Variants in CFAP100 observed in about 807,000 individuals in gnomAD.
CFAP100 encodes the protein cilia- and flagella-associated protein 100.
A neutral mutation model predicts 81.5 loss-of-function variants in CFAP100; 70 were observed. The ratio of observed to expected loss-of-function variants is 0.86; its 90% CI spans 0.71 to 1.05. The LOEUF (loss-of-function observed/expected upper bound fraction) is 1.05, where lower values mean the gene tolerates loss of function less well. CFAP100 is among the 50% of genes least tolerant of loss of function. The pLI is 0.00. For missense variants in CFAP100, 811 were observed against 776.5 expected (o/e 1.04, Z -0.53); for synonymous variants, 341 against 314.8 (o/e 1.08, Z -0.88).
chr3:126,407,038 C>A, intron 2 of CFAP100, 134 bp from the exon 3 acceptor site: 1 of 564,118 alleles, frequency 1.8e-6, no homozygotes, highest in Non-Finnish European at 3.3e-6. Flanking sequence ...GGATGTAGAG[C>A]CCTCAGTCTC....
At chr3:126,414,296 G>T in intron 4 of CFAP100, 117 bp downstream of exon 4, 2 of 802,324 alleles carry the variant, frequency 2.5e-6, no homozygotes. Context: ...TCTCATTCCA[G>T]AATAGTCAAT....
intron 11 of CFAP100, among the ~76,000 whole-genome samples, chr3:126,421,785 C>A (rs528721534): frequency 6.6e-6 from 1 of 152,366 alleles, no homozygotes; most frequent in African/African-American, 2.4e-5. Flanking sequence ...CCCAGTGTGG[C>A]CACGCCTTGT....
intron 13 of CFAP100, among the ~76,000 whole-genome samples, chr3:126,426,074 A>C (rs2083399033): frequency 6.6e-6 from 1 of 152,266 alleles, no homozygotes; most frequent in African/African-American, 2.4e-5. Context: ...TAATAAGACA[A>C]GAAAAATAAA....
At position 126,420,153 on chromosome 3, in the gene CFAP100, G is replaced by A. The variant is rs779585872; in HGVS notation, c.1006G>A (p.Gly336Arg). 6 of 1,612,976 alleles carry A rather than the reference G, an allele frequency of 3.7e-6. No homozygotes were observed. The highest frequency in any genetic ancestry group is 1.1e-5 in the South Asian group (1 of 91,072). ...GAGGTTTCTGCAGACGATGCGGCTG[G>A]GGCGGAGCCCGTCTTACCTGAGCAG... is the stretch of plus-strand genomic sequence containing the variant. The part of the protein sequence containing the change: ...PWRFLQTMRL[G>R]RSPSYLSSPQ... The change falls in exon 11 of 17, where the codon GGG becomes AGG. Residue 336 changes from glycine to arginine, a missense_variant. By Grantham distance (125) the Gly-to-Arg change is moderately radical. Coordinates refer to ENST00000352312, the MANE Select transcript of CFAP100 (RefSeq NM_182628.3).
chr3:126,432,583 G>A (rs570054549), intron 13 of CFAP100, among the ~76,000 whole-genome samples: 10 of 152,278 alleles, frequency 6.6e-5, no homozygotes, highest in East Asian at 5.8e-4. Context: ...TGAAAGCAGC[G>A]AGTCACAAAA....
At chr3:126,401,397 TTA>T (rs58055481) in intron 2 of CFAP100, among the ~76,000 whole-genome samples, 2,225 of 75,244 alleles carry the variant, frequency 0.03, 21 homozygotes, top group African/African-American at 0.039. Flanking sequence ...AAATCGTATT[TTA>T]TATATATATA....
rs202028337 is a variant in CFAP100, at chr3:126,423,383, G to A, written c.1134+7G>A. The A allele has an allele frequency of 1.9e-6, 3 of 1,613,230 alleles. No individual in the cohort carries two copies. In the South Asian group the frequency reaches 3.3e-5, roughly 18 times the overall value. On this transcript the variant is annotated splice_region_variant and intron_variant, in intron 12 of 16. Transcript: ENST00000352312. ...CACCGACAGCGATGGGGAGGTGAAT[G>A]GCCCAGTGCTGGGCTGGAATTCGGA...
In CFAP100 at chr3:126,401,397, T is replaced by TTTTATATATATA. The variant is rs869308239; in HGVS notation, c.49+5349_49+5350insTTATATATATAT. Among the ~76,000 whole-genome samples the TTTTATATATATA allele has an allele frequency of 6.8e-4, 52 of 76,184 alleles. 1 individual carries two copies. The highest frequency in any genetic ancestry group is 1.1e-3 in the Non-Finnish European group (40 of 37,126). The allele number at this position is 76,184 out of a possible 152,430, so 50.0% of individuals were successfully genotyped here. A position where few individuals can be genotyped will look rare whatever the true frequency, so the allele number is the denominator to read the frequency against. ...ATGGCATAAAATGGCAAATCGTATT[T>TTTTATATATATA]TATATATATATATATATATATATAT... On this transcript the variant is annotated intron_variant, in intron 2 of 16. Coordinates refer to ENST00000352312, the MANE Select transcript of CFAP100 (RefSeq NM_182628.3).
chr3:126,418,967 CGGAGCCGGGCCCAGCCCTGGGGCCTGTG>C (rs1210286916), intron 7 of CFAP100, 81 bp from the exon 8 acceptor site: 1 of 981,942 alleles, frequency 1.0e-6, no homozygotes, highest in Non-Finnish European at 1.5e-6. Flanking sequence ...CAGCCCTGTC[CGGAGCCGGGCCCAGCCCTGGGGCCTGTG>C]GGTGGTGTGC....
chr3:126,423,736 C>T (rs2083370518), intron 13 of CFAP100, 92 bp downstream of exon 13: 3 of 1,488,546 alleles, frequency 2.0e-6, no homozygotes, highest in Non-Finnish European at 9.3e-7. Context: ...AAACAGCCCA[C>T]ACCCGTCCGT....
chr3:126,410,090 A>G (rs1199574035), intron 3 of CFAP100, among the ~76,000 whole-genome samples: 1 of 152,122 alleles, frequency 6.6e-6, no homozygotes, highest in Non-Finnish European at 1.5e-5. Flanking sequence ...AGTCCCAGCT[A>G]CTCGGGAGGC....
chr3:126,402,347 G>A (rs1200811750), intron 2 of CFAP100, among the ~76,000 whole-genome samples: 1 of 152,232 alleles, frequency 6.6e-6, no homozygotes, highest in African/African-American at 2.4e-5. Context: ...GGACAGAAGG[G>A]GGTGCACCAC....
intron 3 of CFAP100, among the ~76,000 whole-genome samples, chr3:126,411,974 A>G (rs2083164566): frequency 6.6e-6 from 1 of 151,742 alleles, no homozygotes; most frequent in Non-Finnish European, 1.5e-5. Context: ...TTGTTTCCCT[A>G]GTTCCTTGAG....
At chr3:126,435,674 G>A (rs1396651480) in intron 16 of CFAP100, 22 bp downstream of exon 16, 2 of 1,595,278 alleles carry the variant, frequency 1.3e-6, no homozygotes, top group Non-Finnish European at 1.7e-6. Context: ...CGCCTTGGGG[G>A]GTCTCTGCTG....
At chr3:126,424,762 G>A (rs922418423) in intron 13 of CFAP100, among the ~76,000 whole-genome samples, 3 of 152,260 alleles carry the variant, frequency 2.0e-5, no homozygotes, top group Non-Finnish European at 4.4e-5. Context: ...GGAAAATAAA[G>A]CAATTTGAGA....
At chr3:126,403,982 A>G (rs530781514) in intron 2 of CFAP100, among the ~76,000 whole-genome samples, 3 of 152,384 alleles carry the variant, frequency 2.0e-5, no homozygotes, top group African/African-American at 7.2e-5. Context: ...AATTATTTTC[A>G]GCAGCTCTGA....
At chr3:126,421,989 C>T (rs996817391) in intron 11 of CFAP100, among the ~76,000 whole-genome samples, 1 of 152,232 alleles carries the variant, frequency 6.6e-6, no homozygotes, top group Admixed American at 6.5e-5. Flanking sequence ...CCAGACAGGC[C>T]CTCACTTGGG....
chr3:126,410,536 C>T (rs552951397), intron 3 of CFAP100, among the ~76,000 whole-genome samples: 2 of 151,988 alleles, frequency 1.3e-5, no homozygotes, highest in East Asian at 3.9e-4. Context: ...GGGTCTCACT[C>T]TGTCACTCAG....
rs964598328 is a variant in CFAP100 at position 126,419,669 on chromosome 3, A to C, written c.764A>C (p.His255Pro). The C allele has an allele frequency of 4.3e-6, 7 of 1,613,910 alleles. No individual in the cohort carries two copies. The highest frequency in any genetic ancestry group is 3.3e-5 in the Admixed American group (2 of 60,006). ...EISRFEDTLK[H>P]YKVYKDFLYK... ...TCCAGATTTGAAGACACTCTGAAGC[A>C]TTACAAGGTCTATAAGGATTTCCTA... The change falls in exon 9 of 17, where the codon CAT becomes CCT. Residue 255 changes from histidine (H) to proline (P), a missense_variant. Transcript: ENST00000352312.
Sources: gnomAD v4.1 joint callset for allele counts (sites outside exome capture counted in the v4.1 genomes callset) on GRCh38, gnomAD v4.1.1 for gene constraint, MANE v1.5 for transcripts, NCBI Gene and HGNC (gene_info 2026-07-23, HGNC 2026-07-21) for gene names.